TPR: variants seen among roughly 807,000 people sequenced by gnomAD.
The protein encoded by TPR is translocated promoter region, nuclear basket protein.
Under a neutral mutation model 316.1 loss-of-function variants are expected in TPR, and 51 were observed. The observed-to-expected ratio is 0.16, with a 90% CI of 0.13 to 0.20. The LOEUF is 0.20. Among genes scored for constraint, TPR ranks in the 10% least tolerant of loss-of-function variants. The pLI is 1.00. For missense variants in TPR, 2,272 were observed against 2,754.8 expected, an observed-to-expected ratio of 0.82 and a Z score of 3.92; for synonymous variants, 981 against 914.7, an observed-to-expected ratio of 1.07 and a Z score of -1.31.
intron 48 of TPR, 73 bp from the exon 49 acceptor site, chr1:186,317,673 A>G: frequency 7.4e-7 from 1 of 1,353,600 alleles, no homozygotes; most frequent in East Asian, 2.4e-5. Flanking sequence ...ACTCTTTTAA[A>G]TCTATTTTAT....
Position 186,311,906 on chromosome 1 carries a change from A to G in TPR, c.*2065T>C, listed in dbSNP as rs1468066515. 1.5e-5 allele frequency: 8 copies of G among 540,970 alleles called. No homozygotes were observed. Among genetic ancestry groups the G allele is most frequent in the South Asian group, 6.9e-5 (3 of 43,692 alleles). The allele number at this position is 540,970 out of a possible 1,614,324, so 33.5% of individuals were successfully genotyped here. On this transcript the variant is annotated 3_prime_UTR_variant, in exon 51 of 51. Coordinates refer to ENST00000367478, the MANE Select transcript of TPR (RefSeq NM_003292.3). ...ATCTCTGTATCATTCCAGTTTTAGTATATGTGCTGCCAAACTGAGCACTTG... is the reference window on the plus strand; with the variant it reads ...ATCTCTGTATCATTCCAGTTTTAGTGTATGTGCTGCCAAACTGAGCACTTG...
intron 32 of TPR, 100 bp downstream of exon 32, chr1:186,336,913 T>A (rs1571613821): frequency 1.3e-6 from 2 of 1,527,620 alleles, no homozygotes; most frequent in East Asian, 4.5e-5. Context: ...ATAAAATGTA[T>A]CCATTCCCAC....
chr1:186,322,365 T>C lies in TPR; in HGVS notation c.6414A>G (p.Pro2138=). The C allele has an allele frequency of 6.2e-7, 1 of 1,613,284 alleles. No homozygotes were observed. The part of the protein sequence containing the change: ...DDEDRTVPST[P]TLVVPHRTDG... Reference sequence around the variant, plus strand: ...CAGTACGATGTGGCACCACAAGAGTTGGAGTACTTGGAACTGTTCTGTCTT... The same window carrying C: ...CAGTACGATGTGGCACCACAAGAGTCGGAGTACTTGGAACTGTTCTGTCTT... The change falls in exon 45 of 51, where the codon CCA becomes CCG. Residue 2138 remains proline, a synonymous_variant. Transcript: ENST00000367478.
chr1:186,369,807 C>T (rs528736910), intron 3 of TPR, among the ~76,000 whole-genome samples: 13 of 152,270 alleles, frequency 8.5e-5, no homozygotes, highest in Admixed American at 7.8e-4. Flanking sequence ...GGCATCCCAG[C>T]CTTGCATTGG....
intron 21 of TPR, 128 bp downstream of exon 21, chr1:186,350,094 GT>G (rs932834528): frequency 1.7e-4 from 159 of 931,852 alleles, no homozygotes; most frequent in Middle Eastern, 7.1e-4. Context: ...AAAAAGTTGG[GT>G]TTTTTTTTGT....
At position 186,360,006 on chromosome 1, in the gene TPR, G is replaced by C; in HGVS notation, c.1192-10C>G. The C allele has an allele frequency of 6.2e-7, 1 of 1,601,476 alleles. No individual in the cohort carries two copies. The highest frequency in any genetic ancestry group is 2.2e-5 in the East Asian group (1 of 44,792). Reference sequence around the variant, plus strand: ...CATAAGCATTATAGAGCTGAAAGTAGACAAAGGGTTGTTTCAAATCTAACC... The same window carrying C: ...CATAAGCATTATAGAGCTGAAAGTACACAAAGGGTTGTTTCAAATCTAACC... On this transcript the variant is annotated splice_polypyrimidine_tract_variant and intron_variant, in intron 11 of 50. Transcript: ENST00000367478.
chr1:186,361,750 G>T (rs189828797), intron 8 of TPR, 39 bp downstream of exon 8: 2 of 1,612,796 alleles, frequency 1.2e-6, no homozygotes, highest in South Asian at 2.2e-5. Context: ...AGTCAACAAT[G>T]CAACATTTAG....
Position 186,335,458 on chromosome 1 carries a change from A to G in TPR, c.4791T>C (p.Val1597=). The change falls in exon 34 of 51, where the codon GTT becomes GTC. Residue 1597 remains valine, a synonymous_variant. Transcript: ENST00000367478. Reference sequence around the variant, plus strand: ...ATTGGGACTTTAGCGCAGTAATGCGAACATCCAATTCATCTTTCTGCTGAT... The same window carrying G: ...ATTGGGACTTTAGCGCAGTAATGCGGACATCCAATTCATCTTTCTGCTGAT... ...ALDQQKDELD[V]RITALKSQYE... 1 of 1,613,750 alleles carries G rather than the reference A, an allele frequency of 6.2e-7. No individual in the cohort carries two copies. Among genetic ancestry groups the G allele is most frequent in the African/African-American group, 1.3e-5 (1 of 75,016 alleles).
In TPR at chr1:186,318,713, T is replaced by C. The variant is rs751815438; in HGVS notation, c.6664+20A>G. On this transcript the variant is annotated intron_variant, in intron 47 of 50. Transcript: ENST00000367478. ...ATTTTACCAATAAAACAGAACCTAC[T>C]ATCTGCCTTTGATCCCTACCTGGGG... 1.2e-5 allele frequency: 20 copies of C among 1,613,350 alleles called. No homozygotes were observed. The highest frequency in any genetic ancestry group is 1.7e-5 in the Non-Finnish European group (20 of 1,179,730).
Position 186,344,446 on chromosome 1 carries a change from T to C in TPR, c.3346A>G (p.Thr1116Ala). 1 of 1,614,174 alleles carries C rather than the reference T, an allele frequency of 6.2e-7. No individual in the cohort carries two copies. The highest frequency in any genetic ancestry group is 8.5e-7 in the Non-Finnish European group (1 of 1,179,998). ...MASVRQHLEE[T>A]TQKAESQLLE... ...AACTGTGATTCTGCTTTCTGTGTTG[T>C]TTCTTCCAAATGCTGACGGACTGAT... is the stretch of plus-strand genomic sequence containing the variant. The change falls in exon 25 of 51, where the codon ACA becomes GCA. Residue 1116 changes from threonine to alanine, a missense_variant. Physicochemically the swap from Thr to Ala is moderately conservative, Grantham distance 58 (BLOSUM62 0). This residue lies in a region of TPR where 757 missense variants were observed against 859.8 expected (regional missense o/e 0.88). Coordinates refer to ENST00000367478, the MANE Select transcript of TPR (RefSeq NM_003292.3).
chr1:186,331,319 A>T (rs2102063543), intron 39 of TPR, among the ~76,000 whole-genome samples, 179 bp downstream of exon 39: 1 of 152,220 alleles, frequency 6.6e-6, no homozygotes. Flanking sequence ...AGAAGGCAGT[A>T]CACTATACTC....
chr1:186,345,417 T>C (rs961692581), intron 24 of TPR, among the ~76,000 whole-genome samples, 163 bp downstream of exon 24: 10 of 152,230 alleles, frequency 6.6e-5, no homozygotes, highest in African/African-American at 1.9e-4. Context: ...TATTTATTTT[T>C]AGCCTTCCAT....
At chr1:186,345,989 G>GA (rs1431309953) in intron 23 of TPR, 146 bp downstream of exon 23, 1 of 843,778 alleles carries the variant, frequency 1.2e-6, no homozygotes, top group Non-Finnish European at 1.8e-6. Flanking sequence ...TAGAGGTACA[G>GA]AAAAGAGTAA....
chr1:186,337,786 A>G (rs931477834), intron 31 of TPR, among the ~76,000 whole-genome samples: 3 of 152,116 alleles, frequency 2.0e-5, no homozygotes, highest in Admixed American at 6.5e-5. Flanking sequence ...GCAATGAGTT[A>G]TAAGAACATA....
At chr1:186,323,445 T>C (rs1234647992) in intron 43 of TPR, among the ~76,000 whole-genome samples, 4 of 152,196 alleles carry the variant, frequency 2.6e-5, no homozygotes, top group Non-Finnish European at 4.4e-5. Context: ...ACAATTTTAT[T>C]TGCTATGACT....
At chr1:186,365,793 A>C (rs1363974538) in intron 4 of TPR, among the ~76,000 whole-genome samples, 1 of 152,218 alleles carries the variant, frequency 6.6e-6, no homozygotes, top group Admixed American at 6.5e-5. Flanking sequence ...GAAATCATGA[A>C]AGAGATTGTG....
At chr1:186,328,747 C>T (rs1340326589) in intron 39 of TPR, among the ~76,000 whole-genome samples, 2 of 152,122 alleles carry the variant, frequency 1.3e-5, no homozygotes, top group Non-Finnish European at 1.5e-5. Flanking sequence ...TTATTCCAAG[C>T]CTTCAAACCA....
At position 186,331,482 on chromosome 1, in the gene TPR, G is replaced by T. The variant is rs1553228539; in HGVS notation, c.5688+16C>A. The stretch of plus-strand genomic sequence containing the variant: ...GAAAAGCAACGGTGTGGTACTTTAG[G>T]TATGTTTTTACTTACTTCTCCAATG... On this transcript the variant is annotated intron_variant, in intron 39 of 50. Transcript: ENST00000367478. The T allele has an allele frequency of 1.3e-6, 2 of 1,580,088 alleles. No homozygotes were observed. The highest frequency in any genetic ancestry group is 1.1e-5 in the South Asian group (1 of 88,022).
At chr1:186,315,737 C>T (rs1225783752) in intron 49 of TPR, among the ~76,000 whole-genome samples, 3 of 151,518 alleles carry the variant, frequency 2.0e-5, no homozygotes, top group Non-Finnish European at 2.9e-5. Flanking sequence ...TCCTCTCCCG[C>T]CTCTTAACAT....
Sources: allele counts gnomAD v4.1 joint callset (sites outside exome capture counted in the v4.1 genomes callset), GRCh38; gene constraint gnomAD v4.1.1; regional missense constraint gnomAD v4.1.1; transcripts MANE v1.5; gene names NCBI Gene and HGNC (gene_info 2026-07-23, HGNC 2026-07-21).